DMD: variants seen among roughly 807,000 people sequenced by gnomAD.
DMD encodes dystrophin, also known as mutant dystrophin.
A neutral mutation model predicts 330.1 loss-of-function variants in DMD; 63 were observed. That is an observed-to-expected ratio of 0.19 (90% CI 0.16 to 0.24). DMD has a LOEUF of 0.24. Ranked by LOEUF, DMD falls within the 10% of genes least tolerant of loss-of-function variation. The pLI, the probability that DMD is intolerant of heterozygous loss-of-function variation, is 1.00. For missense variants in DMD, 3,344 were observed against 2,684.1 expected (o/e 1.25, Z -5.43); for synonymous variants, 1,223 against 959.8 (o/e 1.27, Z -5.07).
At chrX:32,804,524 G>A (rs2076812587) in intron 7 of DMD, among the ~76,000 whole-genome samples, 1 of 112,557 alleles carries the variant, frequency 8.9e-6, no homozygotes, top group African/African-American at 3.2e-5. Context: ...AGCACGTGAG[G>A]GAAGGGGCAG....
intron 64 of DMD, among the ~76,000 whole-genome samples, chrX:31,222,299 A>G (rs779308999): frequency 9.5e-6 from 1 of 105,305 alleles, no homozygotes; most frequent in African/African-American, 3.5e-5. Context: ...GACGCAGGAG[A>G]ATCACTTGAA....
intron 52 of DMD, among the ~76,000 whole-genome samples, chrX:31,700,101 G>T (rs770387429): frequency 9.2e-6 from 1 of 108,826 alleles, no homozygotes; most frequent in South Asian, 4.1e-4. Flanking sequence ...CAGGAGAATC[G>T]CTTGAACCCG....
intron 7 of DMD, among the ~76,000 whole-genome samples, chrX:32,726,495 C>G (rs2066896383): frequency 9.0e-6 from 1 of 110,896 alleles, no homozygotes; most frequent in Non-Finnish European, 1.9e-5. Flanking sequence ...CATAAAAATA[C>G]AGCTATTATA....
intron 43 of DMD, among the ~76,000 whole-genome samples, chrX:32,261,478 G>A (rs1440425776): frequency 2.7e-5 from 3 of 111,894 alleles, no homozygotes; most frequent in Admixed American, 9.5e-5. Context: ...TTAATCTGAG[G>A]ACATTATAAG....
chrX:32,189,154 A>T (rs953187014), intron 44 of DMD, among the ~76,000 whole-genome samples: 2 of 110,266 alleles, frequency 1.8e-5, no homozygotes, highest in African/African-American at 6.6e-5. Context: ...CTGCACAATA[A>T]TCCTATTTAA....
chrX:33,010,086 GTA>G (rs1473695675), intron 2 of DMD, among the ~76,000 whole-genome samples: 2 of 99,863 alleles, frequency 2.0e-5, no homozygotes, highest in Non-Finnish European at 4.1e-5. Context: ...GTGCACATGT[GTA>G]TATATACATG....
chrX:32,904,235 T>C (rs1411131790), intron 2 of DMD, among the ~76,000 whole-genome samples: 1 of 111,964 alleles, frequency 8.9e-6, no homozygotes, highest in Non-Finnish European at 1.9e-5. Flanking sequence ...AAGTCATAAG[T>C]GACTCAATAA....
chrX:32,785,998 A>T (rs1015208225), intron 7 of DMD, among the ~76,000 whole-genome samples: 18 of 110,164 alleles, frequency 1.6e-4, no homozygotes, highest in African/African-American at 5.9e-4. Flanking sequence ...TAACAACTAC[A>T]ACAATATCAT....
chrX:31,959,851 G>A (rs1242377872), intron 45 of DMD, among the ~76,000 whole-genome samples: 2 of 92,541 alleles, frequency 2.2e-5, no homozygotes, highest in Non-Finnish European at 2.0e-5. Flanking sequence ...TGCAACCTCC[G>A]CCTCCCGGGT....
intron 62 of DMD, among the ~76,000 whole-genome samples, chrX:31,293,045 T>C (rs150227125): frequency 0.073 from 8,096 of 110,361 alleles, 260 homozygotes; most frequent in African/African-American, 0.11. Context: ...CTTTTCATTT[T>C]GAAAATTTTA....
At chrX:31,762,742 C>T (rs1199294867) in intron 51 of DMD, among the ~76,000 whole-genome samples, 2 of 111,552 alleles carry the variant, frequency 1.8e-5, no homozygotes, top group Non-Finnish European at 3.8e-5. Context: ...GGATAAGCCA[C>T]TGTAGTGAGA....
chrX:32,921,142 G>A (rs1185568270), intron 2 of DMD, among the ~76,000 whole-genome samples: 2 of 111,744 alleles, frequency 1.8e-5, no homozygotes, highest in East Asian at 5.6e-4. Flanking sequence ...TTTCTTGATA[G>A]TGTAAATAAA....
At chrX:31,806,122 C>T (rs1261360676) in intron 50 of DMD, among the ~76,000 whole-genome samples, 3 of 112,258 alleles carry the variant, frequency 2.7e-5, no homozygotes, top group Non-Finnish European at 5.6e-5. Flanking sequence ...GGCAAAACTT[C>T]GACCAAAACC....
At chrX:31,439,910 T>C (rs1346457431) in intron 60 of DMD, among the ~76,000 whole-genome samples, 1 of 111,774 alleles carries the variant, frequency 8.9e-6, no homozygotes, top group Non-Finnish European at 1.9e-5. Flanking sequence ...CACTTTTGGC[T>C]GATTTTAGTA....
rs1364697275 is a variant in DMD, at chrX:32,342,337, A to G, written c.5740-55T>C. ...GGCAGTTAGCTAACCACATCAACCG[A>G]CTTGCAAGCAGCAAATACTTCTCTC... On this transcript the variant is annotated intron_variant, in intron 40 of 78. Transcript: ENST00000357033. The G allele has an allele frequency of 4.4e-6, 5 of 1,142,325 alleles. No homozygotes were observed. The East Asian group carries it at 1.5e-4, about 34-fold the overall frequency. The allele number at this position is 1,142,325 out of a possible 1,213,427, so 94.1% of individuals were successfully genotyped here.
At position 33,074,346 on chromosome X, in the gene DMD, G is replaced by A. The variant is rs1367201594; in HGVS notation, c.32-54146C>T. On this transcript the variant is annotated intron_variant, in intron 1 of 78. Transcript: ENST00000357033. ...TGTAATTCTGAGGGCTGCCTGATTCGCAAATCGTTCATTGCTCAATTAAAC... is the reference window on the plus strand; with the variant it reads ...TGTAATTCTGAGGGCTGCCTGATTCACAAATCGTTCATTGCTCAATTAAAC... 1.6e-4 allele frequency among the ~76,000 whole-genome samples: 18 copies of A among 111,099 alleles called. No individual in the cohort carries two copies. The Admixed American group carries it at 1.7e-3, about 11-fold the overall frequency.
In DMD at chrX:32,644,307, T is replaced by C; in HGVS notation, c.1156A>G (p.Met386Val). 8.3e-7 allele frequency: 1 copy of C among 1,210,438 alleles called. No homozygotes were observed. The highest frequency in any genetic ancestry group is 1.1e-6 in the Non-Finnish European group (1 of 894,511). The change falls in exon 11 of 79, where the codon ATG (methionine) becomes GTG (valine). Residue 386 changes from methionine (M) to valine (V), a missense_variant. Transcript: ENST00000357033. ...CCCTGATGGGCTGTCAAATCCATCATGTACCCCTGACAAAGAAGGAAGTTA... is the reference window on the plus strand; with the variant it reads ...CCCTGATGGGCTGTCAAATCCATCACGTACCCCTGACAAAGAAGGAAGTTA... ...KDQFHTHEGY[M>V]MDLTAHQGRV...
intron 43 of DMD, among the ~76,000 whole-genome samples, chrX:32,260,535 G>C (rs935457966): frequency 9.0e-6 from 1 of 111,222 alleles, no homozygotes; most frequent in East Asian, 2.8e-4. Flanking sequence ...TAAACTGGTG[G>C]GACAAGTTCC....
chrX:32,615,041 G>A (rs2057455164), intron 11 of DMD, among the ~76,000 whole-genome samples: 1 of 111,114 alleles, frequency 9.0e-6, no homozygotes, highest in Non-Finnish European at 1.9e-5. Flanking sequence ...GACCATATAG[G>A]AGTGATTCTG....
Sources: gnomAD v4.1 joint callset for allele counts (sites outside exome capture counted in the v4.1 genomes callset) on GRCh38, gnomAD v4.1.1 for gene constraint, MANE v1.5 for transcripts, NCBI Gene and HGNC (gene_info 2026-07-23, HGNC 2026-07-21) for gene names.